The following LHFPL6 variants were observed in gnomAD, a reference collection of about 807,000 sequenced individuals.
LHFPL6 encodes the protein LHFPL tetraspan subfamily member 6.
A neutral mutation model predicts 20.6 loss-of-function variants in LHFPL6; 9 were observed. The observed-to-expected ratio is 0.44, with a 90% CI of 0.26 to 0.76. LHFPL6 has a LOEUF of 0.76. Among genes scored for constraint, LHFPL6 ranks in the 30% least tolerant of loss-of-function variants. The probability of loss-of-function intolerance (pLI) is 0.20; values close to 1 mark genes in which losing one functional copy is unlikely to be tolerated. For synonymous variants in LHFPL6, 105 were observed against 98.7 expected (o/e 1.06, Z -0.38); for missense variants, 218 against 253.5 (o/e 0.86, Z 0.95).
intron 2 of LHFPL6, among the ~76,000 whole-genome samples, chr13:39,595,309 T>C (rs1872738245): frequency 6.6e-6 from 1 of 152,076 alleles, no homozygotes; most frequent in Non-Finnish European, 1.5e-5. Context: ...TTTCTTTCCT[T>C]TTTTTTGAGA....
intron 2 of LHFPL6, among the ~76,000 whole-genome samples, chr13:39,452,386 A>T (rs1308945239): frequency 6.6e-6 from 1 of 152,242 alleles, no homozygotes; most frequent in Non-Finnish European, 1.5e-5. Flanking sequence ...CCAGGTTTTG[A>T]TACAAATCAC....
chr13:39,542,031 C>A (rs1461728196), intron 2 of LHFPL6, among the ~76,000 whole-genome samples: 1 of 151,268 alleles, frequency 6.6e-6, no homozygotes, highest in Non-Finnish European at 1.5e-5. Context: ...GCAGAGCTTG[C>A]AGTGAGCCGA....
At chr13:39,574,167 T>C (rs550873691) in intron 2 of LHFPL6, among the ~76,000 whole-genome samples, 1 of 152,318 alleles carries the variant, frequency 6.6e-6, no homozygotes, top group African/African-American at 2.4e-5. Context: ...GGGCCCACAC[T>C]ATCTTAGAAA....
chr13:39,501,273 C>A (rs113129321), intron 2 of LHFPL6, among the ~76,000 whole-genome samples: 6 of 152,290 alleles, frequency 3.9e-5, no homozygotes, highest in African/African-American at 1.4e-4. Context: ...ACAATACCTC[C>A]TATGTGGATA....
intron 2 of LHFPL6, among the ~76,000 whole-genome samples, chr13:39,422,042 G>A (rs1055250207): frequency 6.6e-6 from 1 of 152,152 alleles, no homozygotes; most frequent in Non-Finnish European, 1.5e-5. Context: ...TAATGATTAA[G>A]TCTTCAGGAG....
At chr13:39,561,138 CA>C (rs898164001) in intron 2 of LHFPL6, among the ~76,000 whole-genome samples, 3 of 151,864 alleles carry the variant, frequency 2.0e-5, no homozygotes, top group Admixed American at 1.3e-4. Flanking sequence ...ATTCAGGGCC[CA>C]AGTCACTCAC....
chr13:39,545,298 C>T (rs1593357263), intron 2 of LHFPL6, among the ~76,000 whole-genome samples: 1 of 141,090 alleles, frequency 7.1e-6, no homozygotes, highest in African/African-American at 2.6e-5. Context: ...AGAAATCTAA[C>T]AGAACAAGTG....
chr13:39,423,450 T>C (rs137893791), intron 2 of LHFPL6, among the ~76,000 whole-genome samples: 30 of 151,822 alleles, frequency 2.0e-4, no homozygotes, highest in Non-Finnish European at 1.5e-5. Flanking sequence ...TGAGATGAAG[T>C]GTCACTCTTG....
At chr13:39,444,825 G>C (rs1872242760) in intron 2 of LHFPL6, among the ~76,000 whole-genome samples, 1 of 152,168 alleles carries the variant, frequency 6.6e-6, no homozygotes, top group South Asian at 2.1e-4. Context: ...GTCCCTGCTA[G>C]AGCAATGCCT....
At chr13:39,568,986 C>T (rs371621129) in intron 2 of LHFPL6, among the ~76,000 whole-genome samples, 2 of 152,188 alleles carry the variant, frequency 1.3e-5, no homozygotes, top group African/African-American at 4.8e-5. Flanking sequence ...AACCATTTCC[C>T]ATATTGGTTT....
chr13:39,370,924 T>A (rs1870151418), intron 3 of LHFPL6, among the ~76,000 whole-genome samples: 1 of 152,186 alleles, frequency 6.6e-6, no homozygotes, highest in South Asian at 2.1e-4. Context: ...CCAGCTGACC[T>A]AGCCAGAAAT....
chr13:39,521,494 T>C (rs1870104553), intron 2 of LHFPL6, among the ~76,000 whole-genome samples: 2 of 152,242 alleles, frequency 1.3e-5, no homozygotes, highest in Admixed American at 1.3e-4. Flanking sequence ...GGAGAACTTC[T>C]GGCTTGATTA....
chr13:39,547,182 T>A (rs765438592), intron 2 of LHFPL6, among the ~76,000 whole-genome samples: 1 of 152,112 alleles, frequency 6.6e-6, no homozygotes, highest in Non-Finnish European at 1.5e-5. Context: ...TAGTTCTAAT[T>A]TTAATTTATT....
intron 2 of LHFPL6, among the ~76,000 whole-genome samples, chr13:39,430,415 A>G (rs1227168614): frequency 6.6e-6 from 1 of 152,126 alleles, no homozygotes; most frequent in Non-Finnish European, 1.5e-5. Flanking sequence ...TGGCAGCCCA[A>G]CTTTTCCCTC....
At chr13:39,594,513 T>C in intron 2 of LHFPL6, among the ~76,000 whole-genome samples, 1 of 152,246 alleles carries the variant, frequency 6.6e-6, no homozygotes, top group Non-Finnish European at 1.5e-5. Context: ...TTTTACACTG[T>C]TGGTGGGACT....
At chr13:39,463,432 TAGA>T (rs1872731738) in intron 2 of LHFPL6, among the ~76,000 whole-genome samples, 3 of 152,310 alleles carry the variant, frequency 2.0e-5, no homozygotes, top group Non-Finnish European at 4.4e-5. Context: ...GTGGTAGTCT[TAGA>T]AGAATAATAT....
intron 3 of LHFPL6, among the ~76,000 whole-genome samples, chr13:39,366,982 G>A (rs1200509613): frequency 1.3e-5 from 2 of 152,216 alleles, no homozygotes; most frequent in Non-Finnish European, 2.9e-5. Flanking sequence ...TCTTCGAAAT[G>A]ATAGTTCAGA....
chr13:39,448,218 CA>C (rs1872343189), intron 2 of LHFPL6, among the ~76,000 whole-genome samples: 1 of 152,204 alleles, frequency 6.6e-6, no homozygotes, highest in African/African-American at 2.4e-5. Flanking sequence ...AGTTTGATAG[CA>C]CTGTTATTCA....
At chr13:39,483,819 T>C (rs150683129) in intron 2 of LHFPL6, among the ~76,000 whole-genome samples, 394 of 152,272 alleles carry the variant, frequency 2.6e-3, no homozygotes, top group African/African-American at 8.6e-3. Context: ...CTTCCTTCCA[T>C]GGGGAGGGAA....
Sources: gnomAD v4.1 joint callset for allele counts (sites outside exome capture counted in the v4.1 genomes callset) on GRCh38, gnomAD v4.1.1 for gene constraint, MANE v1.5 for transcripts, NCBI Gene and HGNC (gene_info 2026-07-23, HGNC 2026-07-21) for gene names.